The following ROBO1 variants were observed in gnomAD, a reference collection of about 807,000 sequenced individuals.
The protein encoded by ROBO1 is roundabout homolog 1.
A neutral mutation model predicts 195.9 loss-of-function variants in ROBO1; 149 were observed. The observed-to-expected ratio is 0.76, with a 90% CI of 0.67 to 0.87. ROBO1 has a LOEUF of 0.87. Among genes scored for constraint, ROBO1 ranks in the 40% least tolerant of loss-of-function variants. The pLI, the probability that ROBO1 is intolerant of heterozygous loss-of-function variation, is 0.00. For synonymous variants in ROBO1, 816 were observed against 733.2 expected (o/e 1.11, Z -1.82); for missense variants, 1,933 against 2,068.3 (o/e 0.93, Z 1.27).
At chr3:79,706,963 T>G (rs1018591193) in intron 1 of ROBO1, among the ~76,000 whole-genome samples, 1 of 145,698 alleles carries the variant, frequency 6.9e-6, no homozygotes, top group Admixed American at 6.9e-5. Context: ...TATTTGTAGG[T>G]TTTTTTTCTT....
At chr3:79,588,422 T>C (rs1943897018) in intron 2 of ROBO1, among the ~76,000 whole-genome samples, 1 of 151,692 alleles carries the variant, frequency 6.6e-6, no homozygotes, top group Admixed American at 6.6e-5. Context: ...GCTCAATAAC[T>C]GTATCATGGA....
At chr3:79,100,614 T>C (rs2079658312) in intron 3 of ROBO1, among the ~76,000 whole-genome samples, 1 of 151,820 alleles carries the variant, frequency 6.6e-6, no homozygotes, top group Non-Finnish European at 1.5e-5. Context: ...GGCCTGACTT[T>C]GGGTCAGAAC....
chr3:79,148,182 C>T (rs1022894374), intron 2 of ROBO1, among the ~76,000 whole-genome samples: 2 of 151,594 alleles, frequency 1.3e-5, no homozygotes, highest in Admixed American at 1.3e-4. Flanking sequence ...TCTGTCTTTA[C>T]TAAAAGACAA....
At chr3:79,398,973 A>G (rs577959328) in intron 2 of ROBO1, among the ~76,000 whole-genome samples, 1 of 151,378 alleles carries the variant, frequency 6.6e-6, no homozygotes, top group South Asian at 2.1e-4. Context: ...TGAGGGCATA[A>G]GAGAGTGAAT....
intron 4 of ROBO1, among the ~76,000 whole-genome samples, chr3:78,827,306 T>A (rs1396909285): frequency 2.0e-5 from 3 of 152,186 alleles, no homozygotes; most frequent in Non-Finnish European, 4.4e-5. Context: ...CTGTTTTTCA[T>A]TTGAAAACAT....
intron 1 of ROBO1, among the ~76,000 whole-genome samples, chr3:79,707,653 C>A (rs1340939139): frequency 1.3e-5 from 2 of 152,076 alleles, no homozygotes; most frequent in African/African-American, 4.8e-5. Flanking sequence ...GGACTACAGG[C>A]ACATGCCACC....
At chr3:79,405,499 A>G (rs139043438) in intron 2 of ROBO1, among the ~76,000 whole-genome samples, 1 of 152,286 alleles carries the variant, frequency 6.6e-6, no homozygotes, top group Non-Finnish European at 1.5e-5. Flanking sequence ...TGTCTGTATT[A>G]CACTGTGAGC....
intron 3 of ROBO1, among the ~76,000 whole-genome samples, chr3:79,085,597 T>A (rs2079353039): frequency 6.6e-6 from 1 of 151,792 alleles, no homozygotes; most frequent in African/African-American, 2.4e-5. Context: ...CATAAGAGAG[T>A]GATGAGCTTG....
At chr3:78,681,335 A>T (rs1483362795) in intron 10 of ROBO1, among the ~76,000 whole-genome samples, 1 of 151,970 alleles carries the variant, frequency 6.6e-6, no homozygotes, top group Non-Finnish European at 1.5e-5. Flanking sequence ...AAGTATAATA[A>T]TAAAAAAAAA....
chr3:79,046,409 C>T (rs924742141), intron 3 of ROBO1, among the ~76,000 whole-genome samples: 5 of 152,070 alleles, frequency 3.3e-5, no homozygotes, highest in Non-Finnish European at 7.4e-5. Context: ...CCCAGCTAAG[C>T]TGTACCCAGA....
intron 2 of ROBO1, among the ~76,000 whole-genome samples, chr3:79,416,288 A>G (rs1262441755): frequency 6.6e-6 from 1 of 151,942 alleles, no homozygotes; most frequent in Non-Finnish European, 1.5e-5. Context: ...TGTAGTGGAG[A>G]TAGAAAGAAG....
chr3:79,610,613 A>G (rs1376896627), intron 1 of ROBO1, among the ~76,000 whole-genome samples: 1 of 152,044 alleles, frequency 6.6e-6, no homozygotes, highest in East Asian at 1.9e-4. Context: ...AAGCATGTTA[A>G]TTGTTTAGTT....
Position 78,948,188 on chromosome 3 carries a change from C to A in ROBO1, c.173-9261G>T, listed in dbSNP as rs948488831. ...ACTCATTTTATGAGGCCAGCATCAT[C>A]CTGATACCAAAGCATGGCAGAGACA... On this transcript the variant is annotated intron_variant, in intron 3 of 30. Coordinates refer to ENST00000464233, the MANE Select transcript of ROBO1 (RefSeq NM_002941.4). 5.3e-5 allele frequency among the ~76,000 whole-genome samples: 8 copies of A among 152,178 alleles called. No homozygotes were observed. The East Asian group carries it at 1.5e-3, about 29-fold the overall frequency.
chr3:78,740,592 C>T (rs2082507249), intron 5 of ROBO1, among the ~76,000 whole-genome samples: 1 of 151,846 alleles, frequency 6.6e-6, no homozygotes, highest in Non-Finnish European at 1.5e-5. Flanking sequence ...CTGTCTCAGA[C>T]TCCCGAGTAG....
intron 4 of ROBO1, among the ~76,000 whole-genome samples, chr3:78,844,803 G>C (rs944210703): frequency 9.2e-5 from 14 of 152,016 alleles, no homozygotes; most frequent in South Asian, 2.1e-4. Context: ...TGGCCTCATG[G>C]TTCAATAATT....
rs1167482550 is a variant in ROBO1, at chr3:79,412,874, A to ATTTTTTTTTTTTTTTTTTT, written c.88+176931_88+176949dup. Among the ~76,000 whole-genome samples, 4 of 38,338 alleles carry ATTTTTTTTTTTTTTTTTTT rather than the reference A, an allele frequency of 1.0e-4. 1 individual carries two copies. Among genetic ancestry groups the ATTTTTTTTTTTTTTTTTTT allele is most frequent in the Admixed American group, 4.0e-4 (1 of 2,504 alleles). The allele number at this position is 38,338 out of a possible 152,430, so 25.2% of individuals were successfully genotyped here. A position where few individuals can be genotyped will look rare whatever the true frequency, so the allele number is the denominator to read the frequency against. On this transcript the variant is annotated intron_variant, in intron 2 of 30. Transcript: ENST00000464233. The stretch of plus-strand genomic sequence containing the variant: ...AATGATTTTATTGCCTCATGAGCTG[A>ATTTTTTTTTTTTTTTTTTT]TTTTTTTTTTTTTTTTTTTTTTTTT...
chr3:79,203,239 A>G (rs1576809662), intron 2 of ROBO1, among the ~76,000 whole-genome samples: 1 of 152,196 alleles, frequency 6.6e-6, no homozygotes, highest in Non-Finnish European at 1.5e-5. Context: ...AAAGAGTTAC[A>G]TTTTGATATT....
intron 2 of ROBO1, among the ~76,000 whole-genome samples, chr3:79,139,588 C>A (rs1454583945): frequency 1.3e-5 from 2 of 152,118 alleles, no homozygotes; most frequent in Non-Finnish European, 2.9e-5. Flanking sequence ...CGGTTGAGGT[C>A]TGCATTTATT....
Position 78,600,102 on chromosome 3 carries a change from A to G in ROBO1, c.4941+11T>C. Reference sequence around the variant, plus strand: ...CTAACATTGGTAAACTTGGGGAAAAATTATAGATACCTCTAATTCTTCATT... The same window carrying G: ...CTAACATTGGTAAACTTGGGGAAAAGTTATAGATACCTCTAATTCTTCATT... On this transcript the variant is annotated intron_variant, in intron 30 of 30. Coordinates refer to ENST00000464233, the MANE Select transcript of ROBO1 (RefSeq NM_002941.4). 1.2e-6 allele frequency: 2 copies of G among 1,607,382 alleles called. No individual in the cohort carries two copies.
Sources: gnomAD v4.1 joint callset for allele counts (sites outside exome capture counted in the v4.1 genomes callset) on GRCh38, gnomAD v4.1.1 for gene constraint, MANE v1.5 for transcripts, NCBI Gene and HGNC (gene_info 2026-07-23, HGNC 2026-07-21) for gene names.